Variants in NKAIN3 observed in about 807,000 individuals in gnomAD.
NKAIN3 encodes sodium/potassium transporting ATPase interacting 3.
In NKAIN3, 25 loss-of-function variants were observed where a neutral mutation model predicts 30.2. The observed-to-expected ratio is 0.83, with a 90% CI of 0.60 to 1.16. The LOEUF (loss-of-function observed/expected upper bound fraction) is 1.16. NKAIN3 is among the 50% of genes most tolerant of loss of function. NKAIN3 has a pLI of 0.00. For synonymous variants in NKAIN3, 91 were observed against 89.6 expected (o/e 1.02, Z -0.09); for missense variants, 225 against 254.1 (o/e 0.89, Z 0.78).
At chr8:62,352,684 TTATC>T (rs1221031196) in intron 1 of NKAIN3, among the ~76,000 whole-genome samples, 1 of 152,174 alleles carries the variant, frequency 6.6e-6, no homozygotes, top group African/African-American at 2.4e-5. Context: ...TGAAATTACT[TTATC>T]TCACATTGTT....
chr8:62,936,674 C>G (rs1192763554), intron 5 of NKAIN3, among the ~76,000 whole-genome samples: 1 of 152,098 alleles, frequency 6.6e-6, no homozygotes, highest in Non-Finnish European at 1.5e-5. Flanking sequence ...TTTAATGTCC[C>G]TAAACAAACT....
At chr8:62,445,810 T>G (rs1418147954) in intron 1 of NKAIN3, among the ~76,000 whole-genome samples, 2 of 152,184 alleles carry the variant, frequency 1.3e-5, no homozygotes, top group Non-Finnish European at 2.9e-5. Flanking sequence ...TATTGAAGTC[T>G]GGGGACTGGG....
chr8:62,739,625 A>G (rs1252291623), intron 3 of NKAIN3, among the ~76,000 whole-genome samples: 1 of 152,184 alleles, frequency 6.6e-6, no homozygotes, highest in East Asian at 1.9e-4. Flanking sequence ...AACTTTTTAA[A>G]GATCCCTCTA....
intron 1 of NKAIN3, among the ~76,000 whole-genome samples, chr8:62,508,659 G>T (rs1161223717): frequency 6.6e-6 from 1 of 152,170 alleles, no homozygotes; most frequent in Non-Finnish European, 1.5e-5. Context: ...TCAATCTTCT[G>T]TAAAGATGAT....
chr8:62,995,748 G>A (rs1023381587), intron 5 of NKAIN3, among the ~76,000 whole-genome samples: 7 of 152,154 alleles, frequency 4.6e-5, no homozygotes, highest in Admixed American at 3.9e-4. Flanking sequence ...AAAACATCAA[G>A]TTGTTCACCA....
rs191677680 is a variant in NKAIN3, at chr8:62,947,860, C to T, written c.533-6042C>T. Reference sequence around the variant, plus strand: ...TGTGAATGCACCACCTCAGAAGCTGCTCCTGCAGCCTCCCGTGCCCCAGCT... The same window carrying T: ...TGTGAATGCACCACCTCAGAAGCTGTTCCTGCAGCCTCCCGTGCCCCAGCT... On this transcript the variant is annotated intron_variant, in intron 5 of 6. Coordinates refer to ENST00000623646, the MANE Select transcript of NKAIN3 (RefSeq NM_001304533.3). Among the ~76,000 whole-genome samples the T allele has an allele frequency of 3.9e-4, 60 of 152,344 alleles. 2 individuals are homozygous for T. Among genetic ancestry groups the T allele is most frequent in the Admixed American group, 3.3e-3 (51 of 15,296 alleles).
chr8:62,586,452 C>T (rs919021728), intron 2 of NKAIN3, among the ~76,000 whole-genome samples: 1 of 152,054 alleles, frequency 6.6e-6, no homozygotes, highest in African/African-American at 2.4e-5. Flanking sequence ...AAATGTTTGA[C>T]AAATGTTTGA....
intron 6 of NKAIN3, among the ~76,000 whole-genome samples, chr8:62,954,885 T>G (rs1563644032): frequency 6.6e-6 from 1 of 152,220 alleles, no homozygotes; most frequent in Non-Finnish European, 1.5e-5. Context: ...CTTTCCTGGG[T>G]AGCAAACCAT....
intron 4 of NKAIN3, among the ~76,000 whole-genome samples, chr8:62,859,764 C>T (rs1174445019): frequency 6.6e-6 from 1 of 152,104 alleles, no homozygotes; most frequent in East Asian, 1.9e-4. Flanking sequence ...TCGTGGGTCT[C>T]ACTCTGCTAG....
chr8:62,819,132 G>A (rs191540466), intron 4 of NKAIN3, among the ~76,000 whole-genome samples: 2,020 of 119,102 alleles, frequency 0.017, 22 homozygotes, highest in Middle Eastern at 0.029. Flanking sequence ...CAGAATTATC[G>A]TTATATATAT....
intron 1 of NKAIN3, among the ~76,000 whole-genome samples, chr8:62,345,132 C>G (rs1222801191): frequency 2.0e-5 from 3 of 151,446 alleles, no homozygotes; most frequent in Non-Finnish European, 4.4e-5. Context: ...TATAGAAACT[C>G]TACTGGTTAT....
intron 2 of NKAIN3, among the ~76,000 whole-genome samples, chr8:62,582,918 A>G (rs890628590): frequency 1.5e-4 from 23 of 152,236 alleles, no homozygotes; most frequent in African/African-American, 5.3e-4. Context: ...CCTCAGTGTC[A>G]TGGGCCTCCT....
At chr8:62,434,259 A>G (rs1286346888) in intron 1 of NKAIN3, among the ~76,000 whole-genome samples, 2 of 152,206 alleles carry the variant, frequency 1.3e-5, no homozygotes, top group Non-Finnish European at 2.9e-5. Flanking sequence ...AAAGTTGAGC[A>G]GCATTTAGAC....
intron 1 of NKAIN3, among the ~76,000 whole-genome samples, chr8:62,439,041 TG>T (rs1180302024): frequency 6.6e-6 from 1 of 152,060 alleles, no homozygotes; most frequent in Non-Finnish European, 1.5e-5. Context: ...GAGAGTCAGG[TG>T]GGGCAAATTA....
chr8:62,460,184 A>AG (rs145046582), intron 1 of NKAIN3, among the ~76,000 whole-genome samples: 51,618 of 151,882 alleles, frequency 0.34, 9,837 homozygotes, highest in South Asian at 0.45. Flanking sequence ...AGGCCGAGGC[A>AG]GTGGATCATC....
intron 1 of NKAIN3, among the ~76,000 whole-genome samples, chr8:62,303,399 AG>A (rs201075407): frequency 0.01 from 1,542 of 150,566 alleles, 25 homozygotes; most frequent in Non-Finnish European, 0.014. Context: ...TCCTCCAAAA[AG>A]TTGTTTGCTA....
downstream of NKAIN3, among the ~76,000 whole-genome samples, chr8:62,987,537 A>G (rs1004404820): frequency 2.0e-5 from 3 of 152,194 alleles, no homozygotes; most frequent in Non-Finnish European, 4.4e-5. Flanking sequence ...CTTACATAGC[A>G]GCAGGGAAGA....
chr8:62,417,352 ACTTT>A (rs1378309533), intron 1 of NKAIN3, among the ~76,000 whole-genome samples: 2 of 152,104 alleles, frequency 1.3e-5, no homozygotes, highest in Non-Finnish European at 2.9e-5. Context: ...TAAGTACCAT[ACTTT>A]CTTTATCCAT....
chr8:62,728,196 T>C (rs1318623584), intron 3 of NKAIN3, among the ~76,000 whole-genome samples: 1 of 152,160 alleles, frequency 6.6e-6, no homozygotes, highest in African/African-American at 2.4e-5. Flanking sequence ...AATGCAAAAC[T>C]ATATACTCCT....
Sources: gnomAD v4.1 joint callset for allele counts (sites outside exome capture counted in the v4.1 genomes callset) on GRCh38, gnomAD v4.1.1 for gene constraint, MANE v1.5 for transcripts, NCBI Gene and HGNC (gene_info 2026-07-23, HGNC 2026-07-21) for gene names.